ADCY2: variants seen among roughly 807,000 people sequenced by gnomAD.
ADCY2 encodes adenylate cyclase 2.
Under a neutral mutation model 125.2 loss-of-function variants are expected in ADCY2, and 31 were observed. That is an observed-to-expected ratio of 0.25 (90% confidence interval 0.19 to 0.33). ADCY2 has a LOEUF of 0.33. Among genes scored for constraint, ADCY2 ranks in the 10% least tolerant of loss-of-function variants. ADCY2 has a pLI of 1.00. For missense variants in ADCY2, 904 were observed against 1,418.2 expected (o/e 0.64, Z 5.82); for synonymous variants, 512 against 548.4 (o/e 0.93, Z 0.93).
intron 2 of ADCY2, among the ~76,000 whole-genome samples, chr5:7,486,765 C>T (rs1742948803): frequency 6.6e-6 from 1 of 152,110 alleles, no homozygotes; most frequent in Non-Finnish European, 1.5e-5. Flanking sequence ...GCCATTGGAG[C>T]AAGCTGACTT....
intron 3 of ADCY2, among the ~76,000 whole-genome samples, chr5:7,585,561 A>G (rs1736603003): frequency 6.6e-6 from 1 of 152,194 alleles, no homozygotes; most frequent in Non-Finnish European, 1.5e-5. Flanking sequence ...GAAGTTTTCC[A>G]TAGTTACTGT....
rs545982383 is a variant in ADCY2 at position 7,731,401 on chromosome 5, G to A, written c.1871+4140G>A. On this transcript the variant is annotated intron_variant, in intron 14 of 24. Coordinates refer to ENST00000338316, the MANE Select transcript of ADCY2 (RefSeq NM_020546.3). Reference sequence around the variant, plus strand: ...CTCCTGAGTAGCTCGGATTGCAGGCGCCCAACATCACGCCCAGCTGATTTT... The same window carrying A: ...CTCCTGAGTAGCTCGGATTGCAGGCACCCAACATCACGCCCAGCTGATTTT... Among the ~76,000 whole-genome samples the A allele has an allele frequency of 4.1e-5, 6 of 147,536 alleles. No individual in the cohort carries two copies. The South Asian group carries it at 6.5e-4, about 16-fold the overall frequency.
At chr5:7,790,821 G>T (rs1038269693) in intron 20 of ADCY2, among the ~76,000 whole-genome samples, 1 of 151,978 alleles carries the variant, frequency 6.6e-6, no homozygotes, top group Non-Finnish European at 1.5e-5. Context: ...AAAGAGAAAC[G>T]GGGTAGACAA....
intron 2 of ADCY2, among the ~76,000 whole-genome samples, chr5:7,422,282 CT>C (rs1040607110): frequency 1.3e-5 from 2 of 152,168 alleles, no homozygotes; most frequent in Admixed American, 1.3e-4. Context: ...CGCAAGCAAT[CT>C]TCCTGCCTCA....
chr5:7,774,812 CG>C (rs776719760), intron 18 of ADCY2, among the ~76,000 whole-genome samples: 1 of 152,112 alleles, frequency 6.6e-6, no homozygotes, highest in Admixed American at 6.5e-5. Context: ...GCATCCTCCT[CG>C]GGGGCACGCA....
chr5:7,826,645 C>A, intron 24 of ADCY2, 74 bp from the exon 25 acceptor site: 1 of 1,601,520 alleles, frequency 6.2e-7, no homozygotes, highest in African/African-American at 1.3e-5. Context: ...TTTTTTAGCT[C>A]TGCATCCTTG....
intron 3 of ADCY2, among the ~76,000 whole-genome samples, chr5:7,581,526 A>G (rs1736432683): frequency 2.0e-5 from 3 of 152,132 alleles, no homozygotes; most frequent in African/African-American, 7.2e-5. Context: ...GAAAAAGTAG[A>G]GAAAGAGAAA....
intron 3 of ADCY2, among the ~76,000 whole-genome samples, chr5:7,615,252 G>A (rs1737714754): frequency 6.6e-6 from 1 of 152,146 alleles, no homozygotes; most frequent in African/African-American, 2.4e-5. Flanking sequence ...CACAAATCCA[G>A]ACCATATCAC....
chr5:7,598,085 C>T (rs761926037), intron 3 of ADCY2, among the ~76,000 whole-genome samples: 6 of 152,282 alleles, frequency 3.9e-5, no homozygotes, highest in Non-Finnish European at 7.4e-5. Context: ...ATACAAGATA[C>T]GCATGGTGTG....
intron 4 of ADCY2, among the ~76,000 whole-genome samples, chr5:7,666,128 G>A (rs953322520): frequency 3.3e-5 from 5 of 151,664 alleles, no homozygotes; most frequent in Admixed American, 6.6e-5. Context: ...GTGAGCCACT[G>A]CGCCCAGCCC....
At chr5:7,409,990 A>C (rs1307565363) in intron 1 of ADCY2, among the ~76,000 whole-genome samples, 1 of 152,214 alleles carries the variant, frequency 6.6e-6, no homozygotes, top group Non-Finnish European at 1.5e-5. Flanking sequence ...CATATGAAAA[A>C]CTGTATCTCC....
chr5:7,798,140 CG>C (rs1561009774), intron 20 of ADCY2: 1 of 147,800 alleles, frequency 6.8e-6, no homozygotes, highest in Non-Finnish European at 1.5e-5. Flanking sequence ...GCCTGGGTGA[CG>C]GGGGGAAGGC....
intron 19 of ADCY2, among the ~76,000 whole-genome samples, chr5:7,788,432 G>A (rs982173644): frequency 6.6e-6 from 1 of 152,080 alleles, no homozygotes; most frequent in African/African-American, 2.4e-5. Context: ...CACCCACCTT[G>A]GCCTCCCAAA....
intron 18 of ADCY2, among the ~76,000 whole-genome samples, chr5:7,775,565 A>G (rs1411896463): frequency 6.6e-6 from 1 of 151,290 alleles, no homozygotes; most frequent in Admixed American, 6.6e-5. Context: ...TGATTTTTGT[A>G]TTTTTAGTAG....
At chr5:7,547,157 C>T (rs1391071624) in intron 3 of ADCY2, among the ~76,000 whole-genome samples, 1 of 152,184 alleles carries the variant, frequency 6.6e-6, no homozygotes, top group Non-Finnish European at 1.5e-5. Context: ...TGTCACACCA[C>T]AAGTGGGTAA....
intron 5 of ADCY2, among the ~76,000 whole-genome samples, chr5:7,692,922 A>G (rs559976591): frequency 3.9e-5 from 6 of 152,148 alleles, no homozygotes; most frequent in Non-Finnish European, 8.8e-5. Flanking sequence ...GGCCTCAACC[A>G]TAGCTTTCCA....
intron 14 of ADCY2, among the ~76,000 whole-genome samples, chr5:7,735,649 G>A (rs1193680897): frequency 6.6e-6 from 1 of 152,142 alleles, no homozygotes; most frequent in Non-Finnish European, 1.5e-5. Flanking sequence ...AGATATTAAA[G>A]CAACCTTACA....
chr5:7,405,921 C>T lies in ADCY2; in HGVS notation c.211-8652C>T, dbSNP rs536726982. ...TCATCCAGGCTGGAGTGCTGTGGCA[C>T]GATCTCAGTTCACTGCAACTTTGAC... On this transcript the variant is annotated intron_variant, in intron 1 of 24. Coordinates refer to ENST00000338316, the MANE Select transcript of ADCY2 (RefSeq NM_020546.3). Among the ~76,000 whole-genome samples the T allele has an allele frequency of 5.9e-5, 9 of 152,264 alleles. No homozygotes were observed. The East Asian group carries it at 7.7e-4, about 13-fold the overall frequency.
chr5:7,717,477 G>A lies in ADCY2; in HGVS notation c.1703+240G>A, dbSNP rs557687726. 1.8e-3 allele frequency among the ~76,000 whole-genome samples: 271 copies of A among 152,288 alleles called. 1 individual carries two copies. The highest frequency in any genetic ancestry group is 6.1e-3 in the African/African-American group (253 of 41,556). ...TGATTGCTGATAAACAACCTGAGGT[G>A]TAATTGGAAAGAGGAAAATTACAGC... On this transcript the variant is annotated intron_variant, in intron 12 of 24. Transcript: ENST00000338316.
Sources: gnomAD v4.1 joint callset for allele counts (sites outside exome capture counted in the v4.1 genomes callset) on GRCh38, gnomAD v4.1.1 for gene constraint, MANE v1.5 for transcripts, NCBI Gene and HGNC (gene_info 2026-07-23, HGNC 2026-07-21) for gene names.